The following WWOX variants were observed in gnomAD, a reference collection of about 807,000 sequenced individuals.
WWOX encodes WW domain-containing oxidoreductase.
In WWOX, 69 loss-of-function variants were observed where a neutral mutation model predicts 46.2. That is an observed-to-expected ratio of 1.49 (90% CI 1.23 to 1.82). The LOEUF (loss-of-function observed/expected upper bound fraction) is 1.82, where lower values mean the gene tolerates loss of function less well. Among genes scored for constraint, WWOX ranks in the 40% most tolerant of loss-of-function variants. The probability of loss-of-function intolerance (pLI) is 0.00; values close to 1 mark genes in which losing one functional copy is unlikely to be tolerated. For synonymous variants in WWOX, 359 were observed against 202.6 expected (o/e 1.77, Z -6.56); for missense variants, 919 against 542.6 (o/e 1.69, Z -6.89).
chr16:78,789,037 C>T (rs146192826), intron 8 of WWOX, among the ~76,000 whole-genome samples: 3 of 152,148 alleles, frequency 2.0e-5, no homozygotes, highest in Admixed American at 2.0e-4. Flanking sequence ...CTTTTGATAT[C>T]ATCTCGTGAT....
chr16:78,615,905 C>G, intron 8 of WWOX, among the ~76,000 whole-genome samples: 1 of 152,034 alleles, frequency 6.6e-6, no homozygotes, highest in Non-Finnish European at 1.5e-5. Flanking sequence ...CGCCCGCCAC[C>G]ACACTCAGCT....
intron 8 of WWOX, among the ~76,000 whole-genome samples, chr16:78,685,408 C>T (rs1379039170): frequency 6.6e-6 from 1 of 152,092 alleles, no homozygotes; most frequent in Non-Finnish European, 1.5e-5. Context: ...CTAAGTCTGT[C>T]TATGGTAGAT....
chr16:78,512,637 A>G (rs374270745), intron 8 of WWOX, among the ~76,000 whole-genome samples: 15 of 152,348 alleles, frequency 9.8e-5, no homozygotes, highest in South Asian at 6.2e-4. Context: ...TTAAAGGATG[A>G]GAAAGATTTC....
intron 8 of WWOX, among the ~76,000 whole-genome samples, chr16:78,821,796 T>G (rs1200417897): frequency 6.6e-6 from 1 of 152,182 alleles, no homozygotes; most frequent in African/African-American, 2.4e-5. Context: ...AGACACAAAA[T>G]AGTCAGCAAA....
chr16:78,194,943 C>T (rs4888762), intron 5 of WWOX, among the ~76,000 whole-genome samples: 15,236 of 152,222 alleles, frequency 0.1, 816 homozygotes, highest in Non-Finnish European at 0.12. Context: ...TACAGCAGTG[C>T]TGTGTGACGC....
At chr16:78,868,495 A>G (rs1467512844) in intron 8 of WWOX, among the ~76,000 whole-genome samples, 2 of 152,078 alleles carry the variant, frequency 1.3e-5, no homozygotes, top group Admixed American at 1.3e-4. Flanking sequence ...CAAACTGTAT[A>G]TTTACAATGG....
intron 5 of WWOX, among the ~76,000 whole-genome samples, chr16:78,370,495 G>T (rs933057773): frequency 1.3e-5 from 2 of 151,528 alleles, no homozygotes; most frequent in Admixed American, 6.6e-5. Context: ...TATCTACGAT[G>T]TTTTTTTTTT....
At chr16:78,870,644 C>G (rs2044106942) in intron 8 of WWOX, among the ~76,000 whole-genome samples, 1 of 152,174 alleles carries the variant, frequency 6.6e-6, no homozygotes, top group East Asian at 1.9e-4. Flanking sequence ...CTCTGTTGCC[C>G]AGGCTGGAGT....
chr16:78,481,438 A>T lies in WWOX; in HGVS notation c.1056+48686A>T, dbSNP rs979504140. On this transcript the variant is annotated intron_variant, in intron 8 of 8. Transcript: ENST00000566780. ...AAAAGGTTTCATAAATGGGGAAAAAAGTCATTGATTGAAAGAGTCATGGCA... is the reference window on the plus strand; with the variant it reads ...AAAAGGTTTCATAAATGGGGAAAAATGTCATTGATTGAAAGAGTCATGGCA... Among the ~76,000 whole-genome samples, 5 of 152,122 alleles carry T rather than the reference A, an allele frequency of 3.3e-5. No homozygotes were observed. The East Asian group carries it at 9.6e-4, about 29-fold the overall frequency.
intron 5 of WWOX, among the ~76,000 whole-genome samples, chr16:78,382,735 CTA>C (rs561434782): frequency 2.8e-4 from 43 of 152,182 alleles, no homozygotes; most frequent in Non-Finnish European, 5.3e-4. Flanking sequence ...TGGAACAGTT[CTA>C]TGTCTTGAAT....
At chr16:78,684,781 G>A (rs762105402) in intron 8 of WWOX, among the ~76,000 whole-genome samples, 1 of 152,180 alleles carries the variant, frequency 6.6e-6, no homozygotes, top group East Asian at 1.9e-4. Context: ...TTGTCACCTA[G>A]TTGAGCTTCT....
intron 8 of WWOX, among the ~76,000 whole-genome samples, chr16:78,560,401 G>A (rs1450006134): frequency 1.3e-5 from 2 of 152,198 alleles, no homozygotes; most frequent in Non-Finnish European, 2.9e-5. Context: ...CCAGCACTTT[G>A]GGAGGCCGAG....
chr16:78,494,911 G>C (rs1053959053), intron 8 of WWOX, among the ~76,000 whole-genome samples: 1 of 152,128 alleles, frequency 6.6e-6, no homozygotes, highest in East Asian at 1.9e-4. Flanking sequence ...TCCTTAGAGA[G>C]GCTTGTTATT....
intron 8 of WWOX, among the ~76,000 whole-genome samples, chr16:78,778,649 T>C (rs554907645): frequency 1.2e-3 from 189 of 152,304 alleles, no homozygotes; most frequent in Non-Finnish European, 2.1e-3. Flanking sequence ...GTTTTCTCAG[T>C]ATGTGAAATG....
intron 8 of WWOX, among the ~76,000 whole-genome samples, chr16:78,705,839 A>G (rs1019378537): frequency 6.6e-6 from 1 of 152,154 alleles, no homozygotes; most frequent in African/African-American, 2.4e-5. Flanking sequence ...TCCTATTCCT[A>G]CAATTCTGGT....
chr16:78,475,683 C>T (rs910751515), intron 8 of WWOX, among the ~76,000 whole-genome samples: 1 of 152,116 alleles, frequency 6.6e-6, no homozygotes, highest in Admixed American at 6.6e-5. Context: ...GCAACCTACA[C>T]CTTCTGGGTT....
chr16:78,351,611 A>T (rs6564529), intron 5 of WWOX, among the ~76,000 whole-genome samples: 3 of 152,018 alleles, frequency 2.0e-5, no homozygotes, highest in Non-Finnish European at 4.4e-5. Flanking sequence ...TGCTGGCTCT[A>T]TATTGCACAT....
At chr16:78,936,802 G>A (rs1371035875) in intron 8 of WWOX, among the ~76,000 whole-genome samples, 2 of 152,184 alleles carry the variant, frequency 1.3e-5, no homozygotes, top group Non-Finnish European at 2.9e-5. Context: ...AGTATGTCTA[G>A]AGTATGGTTT....
intron 5 of WWOX, among the ~76,000 whole-genome samples, chr16:78,354,348 A>T (rs1365090295): frequency 8.6e-6 from 1 of 116,700 alleles, no homozygotes; most frequent in African/African-American, 3.4e-5. Context: ...TAGGTATGTG[A>T]CTGAAACCCA....
Sources: gnomAD v4.1 joint callset for allele counts (sites outside exome capture counted in the v4.1 genomes callset) on GRCh38, gnomAD v4.1.1 for gene constraint, MANE v1.5 for transcripts, NCBI Gene and HGNC (gene_info 2026-07-23, HGNC 2026-07-21) for gene names.